UBE2E2: variants seen among roughly 807,000 people sequenced by gnomAD.
The protein encoded by UBE2E2 is ubiquitin-conjugating enzyme E2 E2.
UBE2E2 carries 6 observed loss-of-function variants against 24.7 expected under a neutral mutation model. The ratio of observed to expected loss-of-function variants is 0.24; its 90% CI spans 0.13 to 0.48. UBE2E2 has a LOEUF of 0.48. Ranked by LOEUF, UBE2E2 falls within the 20% of genes least tolerant of loss-of-function variation. UBE2E2 has a pLI of 0.99. For missense variants in UBE2E2, 169 were observed against 245.0 expected (o/e 0.69, Z 2.07); for synonymous variants, 104 against 83.6 (o/e 1.24, Z -1.33).
intron 3 of UBE2E2, among the ~76,000 whole-genome samples, chr3:23,275,634 G>C (rs2125367293): frequency 6.6e-6 from 1 of 152,266 alleles, no homozygotes; most frequent in Non-Finnish European, 1.5e-5. Flanking sequence ...TATAGTTTCA[G>C]CAGTCTTATT....
intron 3 of UBE2E2, among the ~76,000 whole-genome samples, chr3:23,488,271 T>G (rs1699422258): frequency 6.6e-6 from 1 of 151,780 alleles, no homozygotes; most frequent in Non-Finnish European, 1.5e-5. Context: ...TTTTGTTACA[T>G]AGGTATACCA....
At chr3:23,348,393 T>C (rs1695625245) in intron 3 of UBE2E2, among the ~76,000 whole-genome samples, 1 of 151,216 alleles carries the variant, frequency 6.6e-6, no homozygotes, top group Non-Finnish European at 1.5e-5. Context: ...AGCTTATTGC[T>C]AGGGTTACCA....
At chr3:23,259,793 C>T (rs190127986) in intron 3 of UBE2E2, among the ~76,000 whole-genome samples, 6 of 152,272 alleles carry the variant, frequency 3.9e-5, no homozygotes, top group African/African-American at 9.6e-5. Context: ...AGAGGACCCT[C>T]GAGAGTTTTC....
chr3:23,504,868 A>G (rs1161996560), intron 4 of UBE2E2, among the ~76,000 whole-genome samples: 1 of 140,070 alleles, frequency 7.1e-6, no homozygotes, highest in Non-Finnish European at 1.5e-5. Context: ...CTTTGAAAAT[A>G]TTGTGACACT....
At chr3:23,332,009 A>G (rs1451269271) in intron 3 of UBE2E2, among the ~76,000 whole-genome samples, 5 of 152,170 alleles carry the variant, frequency 3.3e-5, no homozygotes, top group Admixed American at 6.5e-5. Flanking sequence ...CTAAAGTCCT[A>G]TGCTTCTTTA....
intron 5 of UBE2E2, among the ~76,000 whole-genome samples, chr3:23,563,329 C>T (rs1695982456): frequency 6.6e-6 from 1 of 151,982 alleles, no homozygotes; most frequent in Non-Finnish European, 1.5e-5. Context: ...TGTTATGTAC[C>T]CAGTAGTGAT....
intron 3 of UBE2E2, among the ~76,000 whole-genome samples, chr3:23,260,424 A>C (rs1243312284): frequency 6.6e-6 from 1 of 152,258 alleles, no homozygotes; most frequent in Non-Finnish European, 1.5e-5. Context: ...GAAATGATAC[A>C]GTTCTTTAAA....
chr3:23,459,608 C>A (rs1698763596), intron 3 of UBE2E2, among the ~76,000 whole-genome samples: 1 of 152,146 alleles, frequency 6.6e-6, no homozygotes, highest in Non-Finnish European at 1.5e-5. Context: ...TATATAAACA[C>A]CTCCAGGACC....
intron 5 of UBE2E2, among the ~76,000 whole-genome samples, chr3:23,561,764 G>A (rs898889082): frequency 2.0e-5 from 3 of 152,046 alleles, no homozygotes; most frequent in African/African-American, 7.3e-5. Context: ...GTGGTTTGTG[G>A]TTCTCCTTGA....
intron 5 of UBE2E2, among the ~76,000 whole-genome samples, chr3:23,573,044 A>G (rs1001846609): frequency 1.3e-5 from 2 of 152,198 alleles, no homozygotes; most frequent in African/African-American, 4.8e-5. Context: ...AAAAAAAATT[A>G]CAGAAGGAAA....
At chr3:23,270,572 A>G (rs17012927) in intron 3 of UBE2E2, among the ~76,000 whole-genome samples, 4,369 of 152,252 alleles carry the variant, frequency 0.029, 109 homozygotes, top group East Asian at 0.13. Flanking sequence ...CTGAGGAAGT[A>G]TAGAGTACAT....
At chr3:23,563,639 A>G (rs555954390) in intron 5 of UBE2E2, among the ~76,000 whole-genome samples, 133 of 152,196 alleles carry the variant, frequency 8.7e-4, no homozygotes, top group African/African-American at 2.9e-3. Context: ...TCTTCTTTGA[A>G]GCTTTTAACC....
At chr3:23,536,795 C>T (rs1695274917) in intron 5 of UBE2E2, among the ~76,000 whole-genome samples, 1 of 152,152 alleles carries the variant, frequency 6.6e-6, no homozygotes, top group South Asian at 2.1e-4. Flanking sequence ...GATGAGTATA[C>T]ACATGGGTGC....
At chr3:23,365,037 A>G (rs1318265852) in intron 3 of UBE2E2, among the ~76,000 whole-genome samples, 1 of 152,206 alleles carries the variant, frequency 6.6e-6, no homozygotes, top group Non-Finnish European at 1.5e-5. Context: ...TCCTCTAAAT[A>G]GATGCAGGAA....
chr3:23,531,675 C>T (rs1695125348), intron 4 of UBE2E2, among the ~76,000 whole-genome samples: 1 of 152,122 alleles, frequency 6.6e-6, no homozygotes, highest in African/African-American at 2.4e-5. Context: ...AGTAATATAA[C>T]TAAAATAGTA....
intron 3 of UBE2E2, among the ~76,000 whole-genome samples, chr3:23,318,764 A>G (rs959066928): frequency 6.6e-6 from 1 of 152,168 alleles, no homozygotes; most frequent in Non-Finnish European, 1.5e-5. Context: ...CTCCCACAAC[A>G]TATGGGAATT....
chr3:23,316,688 A>G (rs1694591376), intron 3 of UBE2E2, among the ~76,000 whole-genome samples: 1 of 151,764 alleles, frequency 6.6e-6, no homozygotes, highest in African/African-American at 2.4e-5. Context: ...CATAGCCACC[A>G]CAGCTGGGAA....
At position 23,257,979 on chromosome 3, in the gene UBE2E2, T is replaced by C. The variant is rs193259741; in HGVS notation, c.227+40667T>C. On this transcript the variant is annotated intron_variant, in intron 3 of 5. Transcript: ENST00000396703. ...AAATTATCTTCCTAGGAGAGGTGATTATTGGAAATGGATTAAAAAAAGGTT... is the reference window on the plus strand; with the variant it reads ...AAATTATCTTCCTAGGAGAGGTGATCATTGGAAATGGATTAAAAAAAGGTT... Among the ~76,000 whole-genome samples, 429 of 152,246 alleles carry C rather than the reference T, an allele frequency of 2.8e-3. 5 individuals carry two copies. Among genetic ancestry groups the C allele is most frequent in the South Asian group, 7.9e-3 (38 of 4,820 alleles).
intron 3 of UBE2E2, among the ~76,000 whole-genome samples, chr3:23,375,631 A>G (rs536053019): frequency 6.6e-6 from 1 of 152,250 alleles, no homozygotes; most frequent in South Asian, 2.1e-4. Flanking sequence ...ACTTCAGTGG[A>G]TATGTTTTAA....
Sources: allele counts gnomAD v4.1 joint callset (sites outside exome capture counted in the v4.1 genomes callset), GRCh38; gene constraint gnomAD v4.1.1; transcripts MANE v1.5; gene names NCBI Gene and HGNC (gene_info 2026-07-23, HGNC 2026-07-21).